SVOPL: variants seen among roughly 807,000 people sequenced by gnomAD.
SVOPL encodes the protein putative transporter SVOPL.
Under a neutral mutation model 61.0 loss-of-function variants are expected in SVOPL, and 60 were observed. That is an observed-to-expected ratio of 0.98 (90% CI 0.80 to 1.22). SVOPL has a LOEUF of 1.22. Ranked by LOEUF, SVOPL falls within the 50% of genes most tolerant of loss-of-function variation. The pLI is 0.00. For synonymous variants in SVOPL, 279 were observed against 250.0 expected, an observed-to-expected ratio of 1.12 and a Z score of -1.09; for missense variants, 662 against 643.9, an observed-to-expected ratio of 1.03 and a Z score of -0.30.
intron 14 of SVOPL, chr7:138,596,825 G>A (rs1156866751): frequency 9.0e-7 from 1 of 1,112,990 alleles, no homozygotes; most frequent in Admixed American, 4.5e-5. Context: ...AAAGATGGGG[G>A]ATCTGCCCGT....
At chr7:138,686,417 AAAAAAAAAAAAGAAGCCAGAGAACAGC>A (rs1802815789) in intron 1 of SVOPL, among the ~76,000 whole-genome samples, 1 of 98,750 alleles carries the variant, frequency 1.0e-5, no homozygotes, top group Non-Finnish European at 2.3e-5. Flanking sequence ...AAAAAAAAAA[AAAAAAAAAAAAGAAGCCAGAGAACAGC>A]TGTGTAGTAG....
rs748787378 is a variant in SVOPL, at chr7:138,656,527, G to A, written c.471-16C>T. On this transcript the variant is annotated splice_polypyrimidine_tract_variant and intron_variant, in intron 6 of 15. Coordinates refer to ENST00000674285, the MANE Select transcript of SVOPL (RefSeq NM_001139456.2). ...TATGATTAACCTAAACAGGAAGCAGGAAAAAGCATAATTTTGTTTTAAAAA... is the reference window on the plus strand; with the variant it reads ...TATGATTAACCTAAACAGGAAGCAGAAAAAAGCATAATTTTGTTTTAAAAA... The A allele has an allele frequency of 3.7e-6, 6 of 1,612,200 alleles. No individual in the cohort carries two copies. In the African/African-American group the frequency reaches 8.0e-5, roughly 22 times the overall value.
At chr7:138,624,227 T>C (rs552407338) in intron 13 of SVOPL, among the ~76,000 whole-genome samples, 2 of 152,352 alleles carry the variant, frequency 1.3e-5, no homozygotes, top group South Asian at 4.1e-4. Context: ...CAAAAAATCT[T>C]CAAGTTAGCC....
chr7:138,664,225 C>A, intron 4 of SVOPL: 3 of 983,762 alleles, frequency 3.0e-6, no homozygotes, highest in Non-Finnish European at 3.6e-6. Flanking sequence ...AGACGTCCTG[C>A]CTCCCTCGCG....
intron 7 of SVOPL, among the ~76,000 whole-genome samples, chr7:138,650,220 C>T (rs559846523): frequency 2.6e-5 from 4 of 152,052 alleles, no homozygotes; most frequent in Non-Finnish European, 5.9e-5. Flanking sequence ...AAAGGTGACA[C>T]GGTTCACTGA....
rs999771472 is a variant in SVOPL at position 138,636,263 on chromosome 7, T to C, written c.790-6141A>G. 6.4e-4 allele frequency among the ~76,000 whole-genome samples: 98 copies of C among 152,244 alleles called. 1 individual carries two copies. The highest frequency in any genetic ancestry group is 5.0e-4 in the Non-Finnish European group (34 of 68,020). ...AATTTTTAAAATTCTGTTTATAAAA[T>C]AATTTTTAAAAACAAAGTGGATAGG... On this transcript the variant is annotated intron_variant, in intron 9 of 15. Coordinates refer to ENST00000674285, the MANE Select transcript of SVOPL (RefSeq NM_001139456.2).
intron 14 of SVOPL, among the ~76,000 whole-genome samples, chr7:138,612,436 T>TAAAAAAAAAAA (rs60800575): frequency 2.8e-4 from 5 of 17,856 alleles, no homozygotes; most frequent in Non-Finnish European, 5.7e-4. Context: ...AAATAAAAAA[T>TAAAAAAAAAAA]AAAAAAAAAA....
At chr7:138,622,493 C>CAG (rs1554457508) in intron 13 of SVOPL, among the ~76,000 whole-genome samples, 9 of 101,196 alleles carry the variant, frequency 8.9e-5, no homozygotes, top group East Asian at 2.0e-4. Context: ...CAGCGGCGGG[C>CAG]GGGGGGTCTC....
intron 1 of SVOPL, among the ~76,000 whole-genome samples, chr7:138,681,852 G>T (rs1584866975): frequency 6.6e-6 from 1 of 151,990 alleles, no homozygotes; most frequent in Admixed American, 6.6e-5. Context: ...AAATTGAAAA[G>T]GCTCCCACTG....
chr7:138,696,163 T>C (rs1285746636), intron 1 of SVOPL, among the ~76,000 whole-genome samples: 2 of 152,194 alleles, frequency 1.3e-5, no homozygotes, highest in Admixed American at 6.6e-5. Flanking sequence ...CATGTTGACA[T>C]GTTACTCACA....
At chr7:138,685,780 G>A in intron 1 of SVOPL, among the ~76,000 whole-genome samples, 1 of 151,952 alleles carries the variant, frequency 6.6e-6, no homozygotes, top group Non-Finnish European at 1.5e-5. Context: ...CCTGAGGCAG[G>A]AGAATCACTT....
intron 1 of SVOPL, chr7:138,689,503 A>T: frequency 1.4e-6 from 1 of 723,272 alleles, no homozygotes. Flanking sequence ...CAGAAGAAAC[A>T]AAAACTTATG....
intron 14 of SVOPL, among the ~76,000 whole-genome samples, chr7:138,614,470 A>T (rs1039990763): frequency 8.8e-5 from 13 of 147,644 alleles, no homozygotes; most frequent in African/African-American, 3.2e-4. Context: ...ATCTCAGCTC[A>T]CTGCAACCTC....
At chr7:138,643,422 CA>C (rs36014220) in intron 9 of SVOPL, among the ~76,000 whole-genome samples, 3,523 of 67,302 alleles carry the variant, frequency 0.052, 33 homozygotes, top group Middle Eastern at 0.096. Context: ...GACTCCATCT[CA>C]AAAAAAAAAA....
chr7:138,697,431 G>C (rs77247661), intron 1 of SVOPL, among the ~76,000 whole-genome samples: 8,348 of 151,640 alleles, frequency 0.055, 287 homozygotes, highest in East Asian at 0.098. Context: ...GTGAGACCTG[G>C]TCTCTACAAA....
intron 9 of SVOPL, among the ~76,000 whole-genome samples, chr7:138,642,000 A>C (rs1348096097): frequency 6.6e-6 from 1 of 150,872 alleles, no homozygotes; most frequent in Non-Finnish European, 1.5e-5. Context: ...CACTCTTGTG[A>C]CATTAACAAG....
chr7:138,684,130 C>T (rs1205728549), intron 1 of SVOPL, among the ~76,000 whole-genome samples: 7 of 150,566 alleles, frequency 4.6e-5, no homozygotes, highest in Non-Finnish European at 8.9e-5. Context: ...TTTGGGAGGC[C>T]GAGGCAGGCA....
intron 4 of SVOPL, among the ~76,000 whole-genome samples, chr7:138,664,376 T>G (rs764043001): frequency 1.4e-5 from 2 of 146,732 alleles, no homozygotes; most frequent in Non-Finnish European, 3.0e-5. Flanking sequence ...CCAACGCCCC[T>G]AATCCTCCAT....
rs191140247 is a variant in SVOPL, at chr7:138,657,346, G to A, written c.471-835C>T. On this transcript the variant is annotated intron_variant, in intron 6 of 15. Transcript: ENST00000674285. ...AATTTTTAAATTTTTTGTAGAGATG[G>A]GACCTTGCTGCATTGCCAATCCTGG... 7.9e-5 allele frequency among the ~76,000 whole-genome samples: 12 copies of A among 151,994 alleles called. No individual in the cohort carries two copies. The East Asian group carries it at 2.3e-3, about 30-fold the overall frequency.
Sources: allele counts gnomAD v4.1 joint callset (sites outside exome capture counted in the v4.1 genomes callset), GRCh38; gene constraint gnomAD v4.1.1; transcripts MANE v1.5; gene names NCBI Gene and HGNC (gene_info 2026-07-23, HGNC 2026-07-21).